The following ILRUN variants were observed in gnomAD, a reference collection of about 807,000 sequenced individuals.
The protein encoded by ILRUN is protein ILRUN.
ILRUN carries 3 observed loss-of-function variants against 33.8 expected under a neutral mutation model. That is an observed-to-expected ratio of 0.09 (90% CI 0.04 to 0.23). The LOEUF (loss-of-function observed/expected upper bound fraction) is 0.23. Among genes scored for constraint, ILRUN ranks in the 10% least tolerant of loss-of-function variants. The pLI is 1.00. For missense variants in ILRUN, 210 were observed against 375.1 expected, an observed-to-expected ratio of 0.56 and a Z score of 3.64; for synonymous variants, 124 against 138.9, an observed-to-expected ratio of 0.89 and a Z score of 0.75.
chr6:34,665,292 C>CAAA lies in ILRUN; in HGVS notation c.159-10516_159-10514dup, dbSNP rs60761039. 4.4e-3 allele frequency among the ~76,000 whole-genome samples: 337 copies of CAAA among 76,346 alleles called. 6 individuals are homozygous for CAAA. Among genetic ancestry groups the CAAA allele is most frequent in the African/African-American group, 0.014 (303 of 22,314 alleles). The allele number at this position is 76,346 out of a possible 152,430, so 50.1% of individuals were successfully genotyped here. The stretch of plus-strand genomic sequence containing the variant: ...GCAACACAGGGAGACCCCTTTTCTA[C>CAAA]AAAAAAAAAAAAAAAAAAAAAATTA... On this transcript the variant is annotated intron_variant, in intron 1 of 4. Transcript: ENST00000374023.
In ILRUN at chr6:34,607,868, G is replaced by A. The variant is rs868511651; in HGVS notation, c.512-964C>T. ...GGCATTCTGGGAGGTCTAGGCAAGA[G>A]GATCACTTCAGACCAAGAGTTTGAG... On this transcript the variant is annotated intron_variant, in intron 3 of 4. Coordinates refer to ENST00000374023, the MANE Select transcript of ILRUN (RefSeq NM_024294.4). Among the ~76,000 whole-genome samples the A allele has an allele frequency of 2.6e-5, 4 of 152,176 alleles. No homozygotes were observed. The South Asian group carries it at 8.3e-4, about 32-fold the overall frequency.
At chr6:34,644,642 T>C (rs546933155) in intron 3 of ILRUN, among the ~76,000 whole-genome samples, 1 of 152,152 alleles carries the variant, frequency 6.6e-6, no homozygotes, top group East Asian at 1.9e-4. Flanking sequence ...CACAATTTCA[T>C]AGGATAAAAG....
chr6:34,677,999 G>A (rs996063378), intron 1 of ILRUN, among the ~76,000 whole-genome samples: 1 of 150,138 alleles, frequency 6.7e-6, no homozygotes, highest in African/African-American at 2.4e-5. Flanking sequence ...GCACCACTGT[G>A]TCTGGCCTGA....
chr6:34,683,463 C>CATATATATATACAT (rs768330830), intron 1 of ILRUN, among the ~76,000 whole-genome samples: 8 of 102,708 alleles, frequency 7.8e-5, no homozygotes, highest in Non-Finnish European at 1.3e-4. Context: ...CATATATATA[C>CATATATATATACAT]ATATATATAC....
intron 3 of ILRUN, among the ~76,000 whole-genome samples, chr6:34,617,671 C>G (rs958432965): frequency 1.3e-5 from 2 of 152,176 alleles, no homozygotes; most frequent in Non-Finnish European, 2.9e-5. Context: ...CAGCAGAGTA[C>G]CGCTGAAGGA....
At chr6:34,637,062 C>G (rs561838182) in intron 3 of ILRUN, among the ~76,000 whole-genome samples, 1 of 152,260 alleles carries the variant, frequency 6.6e-6, no homozygotes, top group African/African-American at 2.4e-5. Flanking sequence ...GGCTCTACCT[C>G]TCTCCCCTAC....
At chr6:34,687,738 A>G (rs921662095) in intron 1 of ILRUN, among the ~76,000 whole-genome samples, 1 of 148,816 alleles carries the variant, frequency 6.7e-6, no homozygotes, top group African/African-American at 2.5e-5. Flanking sequence ...TATAAAATAT[A>G]TATTCCATTA....
chr6:34,596,039 G>A, intron 4 of ILRUN: 6 of 636,912 alleles, frequency 9.4e-6, no homozygotes, highest in Non-Finnish European at 1.2e-5. Flanking sequence ...CCTGCTCACA[G>A]GCCTGGCCTG....
At chr6:34,600,888 T>C (rs1254512706) in intron 4 of ILRUN, among the ~76,000 whole-genome samples, 1 of 152,216 alleles carries the variant, frequency 6.6e-6, no homozygotes, top group African/African-American at 2.4e-5. Context: ...TGCAGTGCAA[T>C]GTTAAGAGAA....
chr6:34,684,213 C>T (rs1763467949), intron 1 of ILRUN, among the ~76,000 whole-genome samples: 1 of 152,202 alleles, frequency 6.6e-6, no homozygotes, highest in Non-Finnish European at 1.5e-5. Flanking sequence ...CAGACATGCT[C>T]TTTATAAAGG....
intron 2 of ILRUN, among the ~76,000 whole-genome samples, chr6:34,654,389 C>T (rs889865720): frequency 6.6e-6 from 1 of 152,112 alleles, no homozygotes; most frequent in Non-Finnish European, 1.5e-5. Flanking sequence ...TGTTTAGATG[C>T]CATTAAGTTA....
chr6:34,637,864 C>CTGCTGCTGCTGCTGTTGTTGTTGTTGT (rs749114775), intron 3 of ILRUN, among the ~76,000 whole-genome samples: 1 of 142,020 alleles, frequency 7.0e-6, no homozygotes, highest in African/African-American at 2.7e-5. Flanking sequence ...GCTGCTGCTG[C>CTGCTGCTGCTGCTGTTGTTGTTGTTGT]TGTTGTTGTT....
intron 1 of ILRUN, among the ~76,000 whole-genome samples, chr6:34,679,356 G>T (rs529227308): frequency 5.6e-4 from 85 of 152,188 alleles, no homozygotes; most frequent in Middle Eastern, 6.8e-3. Context: ...AGCATTAAAA[G>T]CCATGTTTAT....
intron 1 of ILRUN, among the ~76,000 whole-genome samples, chr6:34,672,683 C>A (rs1763141747): frequency 6.6e-6 from 1 of 151,156 alleles, no homozygotes; most frequent in African/African-American, 2.4e-5. Flanking sequence ...CTGAGATCAC[C>A]CAGAAAACAA....
At chr6:34,662,124 C>CAA (rs57423564) in intron 1 of ILRUN, among the ~76,000 whole-genome samples, 877 of 39,878 alleles carry the variant, frequency 0.022, 53 homozygotes, top group Non-Finnish European at 0.035. Flanking sequence ...GACTCCGTCT[C>CAA]AAAAAAAAAA....
rs1562002901 is a variant in ILRUN at position 34,614,434 on chromosome 6, A to AAT, written c.512-7531_512-7530insAT. On this transcript the variant is annotated intron_variant, in intron 3 of 4. Coordinates refer to ENST00000374023, the MANE Select transcript of ILRUN (RefSeq NM_024294.4). ...AAGACTCCATCTCAAAAAATAATAA[A>AAT]AAAAAAAAAATATATATATATAAAA... Among the ~76,000 whole-genome samples, 260 of 99,030 alleles carry AAT rather than the reference A, an allele frequency of 2.6e-3. 7 individuals carry two copies. Among genetic ancestry groups the AAT allele is most frequent in the African/African-American group, 0.011 (234 of 20,466 alleles). The allele number at this position is 99,030 out of a possible 152,430, so 65.0% of individuals were successfully genotyped here. A position where few individuals can be genotyped will look rare whatever the true frequency, so the allele number is the denominator to read the frequency against.
intron 1 of ILRUN, 66 bp downstream of exon 1, chr6:34,696,380 G>A: frequency 6.8e-7 from 1 of 1,479,982 alleles, no homozygotes; most frequent in Non-Finnish European, 9.0e-7. Context: ...AAGCTCAAGT[G>A]TCCCTTCCCT....
rs566902488 is a variant in ILRUN, at chr6:34,600,222, C to T, written c.861+6333G>A. 9.7e-4 allele frequency among the ~76,000 whole-genome samples: 147 copies of T among 152,262 alleles called. 2 individuals carry two copies. The highest frequency in any genetic ancestry group is 3.1e-3 in the African/African-American group (128 of 41,546). On this transcript the variant is annotated intron_variant, in intron 4 of 4. Coordinates refer to ENST00000374023, the MANE Select transcript of ILRUN (RefSeq NM_024294.4). ...AAAAGCCCAAAGCTTTATAAGGGCC[C>T]GCAAAACGCTCCACAATCTGGTCTC... is the stretch of plus-strand genomic sequence containing the variant.
chr6:34,638,182 C>T (rs542195515), intron 3 of ILRUN, among the ~76,000 whole-genome samples: 6 of 151,978 alleles, frequency 3.9e-5, no homozygotes, highest in Non-Finnish European at 8.8e-5. Context: ...GCCACCATGC[C>T]GGGCCTTCAT....
Sources: gnomAD v4.1 joint callset for allele counts (sites outside exome capture counted in the v4.1 genomes callset) on GRCh38, gnomAD v4.1.1 for gene constraint, MANE v1.5 for transcripts, NCBI Gene and HGNC (gene_info 2026-07-23, HGNC 2026-07-21) for gene names.